Variants in EYS observed in about 807,000 individuals in gnomAD.
EYS encodes EGF-like photoreceptor maintenance factor.
EYS carries 250 observed loss-of-function variants against 282.1 expected under a neutral mutation model. The ratio of observed to expected loss-of-function variants is 0.89; its 90% confidence interval spans 0.80 to 0.98. The LOEUF (loss-of-function observed/expected upper bound fraction) is 0.98. EYS is among the 50% of genes least tolerant of loss of function. The pLI, the probability that EYS is intolerant of heterozygous loss-of-function variation, is 0.00. For synonymous variants in EYS, 1,355 were observed against 1,282.9 expected, an observed-to-expected ratio of 1.06 and a Z score of -1.20; for missense variants, 4,016 against 3,709.0, an observed-to-expected ratio of 1.08 and a Z score of -2.15.
intron 23 of EYS, among the ~76,000 whole-genome samples, chr6:64,625,442 A>C (rs915517444): frequency 1.3e-5 from 2 of 152,160 alleles, no homozygotes; most frequent in African/African-American, 4.8e-5. Context: ...TTGATGACAG[A>C]TCCTGTGTCT....
At chr6:64,603,677 G>A (rs1170508647) in intron 24 of EYS, among the ~76,000 whole-genome samples, 1 of 152,068 alleles carries the variant, frequency 6.6e-6, no homozygotes, top group Non-Finnish European at 1.5e-5. Flanking sequence ...GCTCACAGAA[G>A]TAGATGGTCA....
At chr6:65,412,685 A>G (rs1220169773) in intron 5 of EYS, among the ~76,000 whole-genome samples, 1 of 151,518 alleles carries the variant, frequency 6.6e-6, no homozygotes, top group Non-Finnish European at 1.5e-5. Context: ...AGATTTTTGG[A>G]TTTTCATGGT....
intron 34 of EYS, among the ~76,000 whole-genome samples, chr6:63,992,922 T>C (rs1054489254): frequency 6.6e-6 from 1 of 151,856 alleles, no homozygotes; most frequent in Admixed American, 6.6e-5. Context: ...AATTTCATCA[T>C]GGGGATAGTT....
chr6:64,636,805 A>T (rs1388891626), intron 22 of EYS, among the ~76,000 whole-genome samples: 2 of 147,682 alleles, frequency 1.4e-5, no homozygotes, highest in Admixed American at 1.4e-4. Context: ...TTCTCAAAAG[A>T]AGACATTTAT....
rs1582138839 is a variant in EYS at position 63,720,394 on chromosome 6, T to C, written c.*202A>G. 8 of 502,916 alleles carry C rather than the reference T, an allele frequency of 1.6e-5. No individual in the cohort carries two copies. The South Asian group carries it at 2.8e-4, about 17-fold the overall frequency. 31.2% of individuals were successfully genotyped at this position (502,916 alleles called of 1,614,324 possible). Reference sequence around the variant, plus strand: ...AATGGAGTTAAAACATGAATCAAAATATATACAGATAAATTAGATGTAGGA... The same window carrying C: ...AATGGAGTTAAAACATGAATCAAAACATATACAGATAAATTAGATGTAGGA... On this transcript the variant is annotated 3_prime_UTR_variant, in exon 43 of 43. Coordinates refer to ENST00000503581, the MANE Select transcript of EYS (RefSeq NM_001142800.2).
chr6:64,506,012 C>G lies in EYS; in HGVS notation c.5645-66660G>C, dbSNP rs772848327. On this transcript the variant is annotated intron_variant, in intron 26 of 42. Transcript: ENST00000503581. Reference sequence around the variant, plus strand: ...AATGTGGTCCTTTCAACATCACCTTCGCACCTCATTCACAGTATAATTGGG... The same window carrying G: ...AATGTGGTCCTTTCAACATCACCTTGGCACCTCATTCACAGTATAATTGGG... Among the ~76,000 whole-genome samples the G allele has an allele frequency of 5.3e-5, 8 of 152,252 alleles. No individual in the cohort carries two copies. In the South Asian group the frequency reaches 6.2e-4, roughly 12 times the overall value.
intron 22 of EYS, among the ~76,000 whole-genome samples, chr6:64,714,516 C>CTTTT (rs55730437): frequency 4.9e-4 from 63 of 127,906 alleles, no homozygotes; most frequent in East Asian, 1.7e-3. Context: ...TTCTTTCTTT[C>CTTTT]TTTTTTTTTT....
intron 30 of EYS, among the ~76,000 whole-genome samples, chr6:64,279,040 C>A (rs115128714): frequency 6.6e-6 from 1 of 152,188 alleles, no homozygotes; most frequent in Non-Finnish European, 1.5e-5. Context: ...TTCACTACTA[C>A]AAAAACATGC....
At chr6:65,436,653 C>T (rs543635508) in intron 5 of EYS, among the ~76,000 whole-genome samples, 18 of 152,094 alleles carry the variant, frequency 1.2e-4, no homozygotes, top group African/African-American at 3.9e-4. Context: ...AACATAGTGA[C>T]AATCTTTCAG....
chr6:64,536,952 A>G (rs1460429515), intron 26 of EYS, among the ~76,000 whole-genome samples: 1 of 151,690 alleles, frequency 6.6e-6, no homozygotes, highest in African/African-American at 2.4e-5. Context: ...ATTAATATAC[A>G]TTTGTTTATG....
At chr6:65,195,034 T>G (rs1017273433) in intron 12 of EYS, among the ~76,000 whole-genome samples, 7 of 152,006 alleles carry the variant, frequency 4.6e-5, no homozygotes, top group South Asian at 2.1e-4. Flanking sequence ...TTTTTAAAAC[T>G]TCTAATTGTA....
intron 12 of EYS, among the ~76,000 whole-genome samples, chr6:65,244,320 G>T (rs529290902): frequency 9.2e-5 from 14 of 152,148 alleles, no homozygotes; most frequent in Non-Finnish European, 1.3e-4. Context: ...ATGAAGATTG[G>T]CTAGGGGTAA....
chr6:63,952,143 A>T (rs1429751539), intron 35 of EYS, among the ~76,000 whole-genome samples: 1 of 152,258 alleles, frequency 6.6e-6, no homozygotes, highest in African/African-American at 2.4e-5. Context: ...GCGGTTAAGC[A>T]TTCCTACAGG....
chr6:64,293,735 C>T (rs1201340526), intron 30 of EYS, among the ~76,000 whole-genome samples: 1 of 152,034 alleles, frequency 6.6e-6, no homozygotes, highest in African/African-American at 2.4e-5. Context: ...TTTTCTCTGA[C>T]TTATAAGTAT....
intron 37 of EYS, among the ~76,000 whole-genome samples, chr6:63,800,254 C>T (rs1157431814): frequency 2.6e-5 from 4 of 152,134 alleles, no homozygotes; most frequent in Non-Finnish European, 4.4e-5. Flanking sequence ...GACATGGTTC[C>T]TGGTTTAGTG....
intron 35 of EYS, among the ~76,000 whole-genome samples, chr6:63,943,234 A>G (rs950998163): frequency 2.6e-5 from 4 of 152,228 alleles, no homozygotes; most frequent in Non-Finnish European, 4.4e-5. Context: ...ATAGAAAGAC[A>G]AGACTCTCCA....
chr6:63,930,174 T>G (rs183902347), intron 35 of EYS, among the ~76,000 whole-genome samples: 23 of 152,296 alleles, frequency 1.5e-4, no homozygotes, highest in African/African-American at 5.3e-4. Context: ...GATGTATTAC[T>G]TAGCCTGATG....
At chr6:65,450,923 C>T (rs1764373423) in intron 5 of EYS, among the ~76,000 whole-genome samples, 1 of 151,946 alleles carries the variant, frequency 6.6e-6, no homozygotes, top group African/African-American at 2.4e-5. Flanking sequence ...TTGGTATCAC[C>T]CATTTTATTC....
rs191751221 is a variant in EYS, at chr6:65,208,800, G to A, written c.2023+87063C>T. Among the ~76,000 whole-genome samples, 104 of 141,100 alleles carry A rather than the reference G, an allele frequency of 7.4e-4. 1 individual carries two copies. The highest frequency in any genetic ancestry group is 3.4e-3 in the East Asian group (17 of 5,060). The allele number at this position is 141,100 out of a possible 152,430, so 92.6% of individuals were successfully genotyped here. A position where few individuals can be genotyped will look rare whatever the true frequency, so the allele number is the denominator to read the frequency against. ...CACCAGTGATGCCCAAAGTGGATAT[G>A]GTTGGAGGGGATTGATGCTTAAAAA... On this transcript the variant is annotated intron_variant, in intron 12 of 42. Transcript: ENST00000503581.
Sources: allele counts gnomAD v4.1 joint callset (sites outside exome capture counted in the v4.1 genomes callset), GRCh38; gene constraint gnomAD v4.1.1; transcripts MANE v1.5; gene names NCBI Gene and HGNC (gene_info 2026-07-23, HGNC 2026-07-21).